The following CLYBL variants were observed in gnomAD, a reference collection of about 807,000 sequenced individuals.
CLYBL encodes citramalyl-CoA lyase, mitochondrial.
A neutral mutation model predicts 38.9 loss-of-function variants in CLYBL; 31 were observed. The ratio of observed to expected loss-of-function variants is 0.80; its 90% CI spans 0.60 to 1.08. The LOEUF is 1.08. CLYBL is among the 50% of genes least tolerant of loss of function. CLYBL has a pLI of 0.00. For synonymous variants in CLYBL, 171 were observed against 158.6 expected (o/e 1.08, Z -0.59); for missense variants, 434 against 411.6 (o/e 1.05, Z -0.47).
At chr13:99,700,932 T>C (rs1205647401) in intron 1 of CLYBL, among the ~76,000 whole-genome samples, 1 of 152,258 alleles carries the variant, frequency 6.6e-6, no homozygotes, top group Non-Finnish European at 1.5e-5. Context: ...CCCTCTCTGA[T>C]TGTCAAGATT....
At chr13:99,795,470 A>G (rs1283742421) in intron 2 of CLYBL, among the ~76,000 whole-genome samples, 1 of 152,106 alleles carries the variant, frequency 6.6e-6, no homozygotes, top group Non-Finnish European at 1.5e-5. Context: ...CCTGGGCAAC[A>G]TAGTGAGATC....
chr13:99,878,837 T>G (rs184920628), intron 7 of CLYBL, among the ~76,000 whole-genome samples: 60 of 152,316 alleles, frequency 3.9e-4, no homozygotes, highest in African/African-American at 1.4e-3. Context: ...AAACAAAGAC[T>G]TGCCTACTCT....
At chr13:99,651,692 G>C (rs983027191) in intron 1 of CLYBL, among the ~76,000 whole-genome samples, 1 of 152,214 alleles carries the variant, frequency 6.6e-6, no homozygotes, top group Admixed American at 6.5e-5. Context: ...AACACTTTGG[G>C]AGGGAGAGGT....
intron 1 of CLYBL, among the ~76,000 whole-genome samples, chr13:99,756,352 C>T (rs1337305893): frequency 1.3e-5 from 2 of 152,192 alleles, no homozygotes; most frequent in African/African-American, 2.4e-5. Context: ...CTTAGTTGTA[C>T]TTACAACCCT....
intron 7 of CLYBL, chr13:99,885,074 G>A (rs1294361545): frequency 1.9e-6 from 1 of 529,914 alleles, no homozygotes; most frequent in South Asian, 1.4e-5. Context: ...GGCAGGTACT[G>A]GGTGCTGGGT....
intron 7 of CLYBL, among the ~76,000 whole-genome samples, chr13:99,881,828 CT>C (rs1341459508): frequency 6.6e-6 from 1 of 152,120 alleles, no homozygotes; most frequent in Non-Finnish European, 1.5e-5. Flanking sequence ...CTAACAACTG[CT>C]TTAGGTGTTT....
At chr13:99,886,544 T>C (rs1268335348) in intron 7 of CLYBL, among the ~76,000 whole-genome samples, 2 of 152,232 alleles carry the variant, frequency 1.3e-5, no homozygotes, top group African/African-American at 4.8e-5. Context: ...ATCATAGACA[T>C]ATGTATAGTA....
chr13:99,784,449 C>CTCTTGTTTTTTTTT (rs71121010), intron 2 of CLYBL, among the ~76,000 whole-genome samples: 5 of 52,098 alleles, frequency 9.6e-5, no homozygotes, highest in Non-Finnish European at 1.1e-4. Flanking sequence ...AAAATTCTCT[C>CTCTTGTTTTTTTTT]TTTTTTTTTT....
chr13:99,874,662 A>G (rs1474275305), intron 7 of CLYBL, among the ~76,000 whole-genome samples: 1 of 152,202 alleles, frequency 6.6e-6, no homozygotes, highest in African/African-American at 2.4e-5. Context: ...TATAGCATAC[A>G]TGTTTATACA....
At chr13:99,661,669 G>C (rs1392720879) in intron 1 of CLYBL, among the ~76,000 whole-genome samples, 1 of 152,120 alleles carries the variant, frequency 6.6e-6, no homozygotes, top group Non-Finnish European at 1.5e-5. Flanking sequence ...TACGGAAATA[G>C]ATTTCCTTTT....
chr13:99,664,793 C>A lies in CLYBL; in HGVS notation c.62+58036C>A, dbSNP rs2047456970. On this transcript the variant is annotated intron_variant, in intron 1 of 8. Coordinates refer to ENST00000339105, the MANE Select transcript of CLYBL (RefSeq NM_206808.5). ...TCCACATGATCTCTATAAAATATGA[C>A]CAAAAAAACCGGGAAAATAAAATCA... Among the ~76,000 whole-genome samples, 4 of 152,076 alleles carry A rather than the reference C, an allele frequency of 2.6e-5. No individual in the cohort carries two copies. In the South Asian group the frequency reaches 8.3e-4, roughly 32 times the overall value.
chr13:99,663,526 G>A (rs149472785), intron 1 of CLYBL, among the ~76,000 whole-genome samples: 16 of 152,178 alleles, frequency 1.1e-4, no homozygotes, highest in African/African-American at 3.9e-4. Context: ...TGGTGTGCCC[G>A]CTGAATGAGC....
intron 1 of CLYBL, among the ~76,000 whole-genome samples, chr13:99,750,253 A>C (rs144657179): frequency 0.011 from 1,706 of 152,326 alleles, 21 homozygotes; most frequent in Middle Eastern, 0.054. Context: ...ATCCATTACG[A>C]ATCTGTCATA....
chr13:99,841,815 T>C (rs1314451583), intron 2 of CLYBL, among the ~76,000 whole-genome samples: 2 of 126,030 alleles, frequency 1.6e-5, no homozygotes, highest in African/African-American at 2.7e-5. Flanking sequence ...TCTTTTCCTT[T>C]TTTTTTTTTT....
At position 99,869,921 on chromosome 13, in the gene CLYBL, TATTATAAC is replaced by T. The variant is rs2051841887; in HGVS notation, c.803-1012_803-1005del. Among the ~76,000 whole-genome samples the T allele has an allele frequency of 6.6e-6, 1 of 151,218 alleles. No homozygotes were observed. Among genetic ancestry groups the T allele is most frequent in the Non-Finnish European group, 1.5e-5 (1 of 67,964 alleles). On this transcript the variant is annotated intron_variant, in intron 6 of 8. Coordinates refer to ENST00000339105, the MANE Select transcript of CLYBL (RefSeq NM_206808.5). This position sits in a 1 kb window ranked among gnomAD's most constrained non-coding sequence, Gnocchi z 4.3. Reference sequence around the variant, plus strand: ...TCACGTAACAATATAATCTCATCATTATTATAACATTAAATTATGTTGCATTTTATTAA... The same window carrying T: ...TCACGTAACAATATAATCTCATCATTATTAAATTATGTTGCATTTTATTAA...
chr13:99,833,913 G>A (rs1395268348), intron 2 of CLYBL, among the ~76,000 whole-genome samples: 1 of 151,856 alleles, frequency 6.6e-6, no homozygotes, highest in Non-Finnish European at 1.5e-5. Flanking sequence ...TGTTGGCCAG[G>A]ATGGTCTCGG....
intron 1 of CLYBL, among the ~76,000 whole-genome samples, chr13:99,729,698 T>C (rs1002307595): frequency 6.6e-6 from 1 of 152,192 alleles, no homozygotes; most frequent in Non-Finnish European, 1.5e-5. Flanking sequence ...TAGCAAATGA[T>C]GGTCTTCTAC....
At chr13:99,754,436 A>T (rs1360385736) in intron 1 of CLYBL, among the ~76,000 whole-genome samples, 3 of 149,328 alleles carry the variant, frequency 2.0e-5, no homozygotes, top group Non-Finnish European at 4.4e-5. Flanking sequence ...AAAAAAAAAA[A>T]AAAGAGGAGA....
At chr13:99,829,255 A>G (rs1350529011) in intron 2 of CLYBL, among the ~76,000 whole-genome samples, 8 of 152,242 alleles carry the variant, frequency 5.3e-5, no homozygotes, top group Non-Finnish European at 2.9e-5. Context: ...GAAGGTAGGA[A>G]TCTTGCAGAT....
Sources: allele counts gnomAD v4.1 joint callset (sites outside exome capture counted in the v4.1 genomes callset), GRCh38; gene constraint gnomAD v4.1.1; non-coding constraint Gnocchi (gnomAD v3.1); transcripts MANE v1.5; gene names NCBI Gene and HGNC (gene_info 2026-07-23, HGNC 2026-07-21).